Variants in ZBTB20 observed in about 807,000 individuals in gnomAD.
The protein encoded by ZBTB20 is zinc finger and BTB domain containing 20, also known as zinc finger and BTB domain-containing protein 20.
Under a neutral mutation model 56.9 loss-of-function variants are expected in ZBTB20, and 9 were observed. That is an observed-to-expected ratio of 0.16 (90% CI 0.10 to 0.28). ZBTB20 has a LOEUF of 0.28. Ranked by LOEUF, ZBTB20 falls within the 10% of genes least tolerant of loss-of-function variation. ZBTB20 has a pLI of 1.00. For synonymous variants in ZBTB20, 417 were observed against 420.7 expected, an observed-to-expected ratio of 0.99 and a Z score of 0.11; for missense variants, 655 against 1,003.0, an observed-to-expected ratio of 0.65 and a Z score of 4.69.
At chr3:114,560,814 G>C (rs1392465152) in intron 6 of ZBTB20, among the ~76,000 whole-genome samples, 1 of 152,086 alleles carries the variant, frequency 6.6e-6, no homozygotes, top group Non-Finnish European at 1.5e-5. Context: ...AGACAACAAT[G>C]AAGTTTGCCA....
chr3:114,929,994 G>A (rs1440339953), intron 3 of ZBTB20, among the ~76,000 whole-genome samples: 1 of 152,152 alleles, frequency 6.6e-6, no homozygotes, highest in South Asian at 2.1e-4. Flanking sequence ...TTAACAAAAT[G>A]AATAAGAGTA....
intron 6 of ZBTB20, among the ~76,000 whole-genome samples, chr3:114,543,061 C>T (rs184341476): frequency 3.3e-5 from 5 of 152,086 alleles, no homozygotes; most frequent in Admixed American, 3.3e-4. Flanking sequence ...GATTCCAGGA[C>T]CCCACTGCAG....
At chr3:114,789,843 G>A (rs1560253536) in intron 5 of ZBTB20, among the ~76,000 whole-genome samples, 1 of 152,122 alleles carries the variant, frequency 6.6e-6, no homozygotes, top group Non-Finnish European at 1.5e-5. Context: ...TATTTAAGCA[G>A]ATTATAGAGT....
At chr3:114,476,715 T>C (rs2040814719) in intron 7 of ZBTB20, among the ~76,000 whole-genome samples, 1 of 152,206 alleles carries the variant, frequency 6.6e-6, no homozygotes, top group South Asian at 2.1e-4. Context: ...AATCACCTCT[T>C]ATTAGGCCCC....
At chr3:114,982,951 A>G (rs1490591428) in intron 2 of ZBTB20, among the ~76,000 whole-genome samples, 1 of 151,952 alleles carries the variant, frequency 6.6e-6, no homozygotes, top group Non-Finnish European at 1.5e-5. Flanking sequence ...CTTTGCCTCT[A>G]TCTATCTCTA....
intron 1 of ZBTB20, among the ~76,000 whole-genome samples, chr3:115,145,285 C>T (rs1342245221): frequency 6.6e-6 from 1 of 152,120 alleles, no homozygotes; most frequent in Non-Finnish European, 1.5e-5. Flanking sequence ...ACAGATTCTT[C>T]ATTTTAAAGC....
chr3:114,426,371 AT>A (rs150604987), intron 7 of ZBTB20, among the ~76,000 whole-genome samples: 5 of 124,818 alleles, frequency 4.0e-5, no homozygotes, highest in African/African-American at 6.1e-5. Context: ...AAAAAAAAAA[AT>A]TGCCTCCTCA....
intron 1 of ZBTB20, among the ~76,000 whole-genome samples, chr3:115,078,217 C>G (rs1340857590): frequency 6.6e-6 from 1 of 152,130 alleles, no homozygotes; most frequent in Non-Finnish European, 1.5e-5. Flanking sequence ...ATATCTCACA[C>G]TATCTAGAAC....
chr3:114,948,720 A>T (rs1267825991), intron 3 of ZBTB20, among the ~76,000 whole-genome samples: 1 of 146,158 alleles, frequency 6.8e-6, no homozygotes, highest in East Asian at 1.9e-4. Flanking sequence ...AAATGATACC[A>T]ATTACAAGAG....
chr3:114,347,358 A>G (rs2080280996), intron 11 of ZBTB20, among the ~76,000 whole-genome samples: 2 of 152,048 alleles, frequency 1.3e-5, no homozygotes, highest in African/African-American at 4.8e-5. Flanking sequence ...TAACTTTGTC[A>G]AGCTATTCTT....
rs2078868134 is a variant in ZBTB20, at chr3:114,320,821, C to T, written c.*18184G>A. 6.6e-6 allele frequency: 1 copy of T among 151,826 alleles called. No individual in the cohort carries two copies. Among genetic ancestry groups the T allele is most frequent in the African/African-American group, 2.4e-5 (1 of 41,316 alleles). The allele number at this position is 151,826 out of a possible 1,614,324, so 9.4% of individuals were successfully genotyped here. Reference sequence around the variant, plus strand: ...TGGACTCTATTCTTATAAAAATAACCACAAATATAAAGAAATTATAATCAG... The same window carrying T: ...TGGACTCTATTCTTATAAAAATAACTACAAATATAAAGAAATTATAATCAG... On this transcript the variant is annotated 3_prime_UTR_variant, in exon 12 of 12. Transcript: ENST00000675478.
At chr3:114,735,206 T>A (rs1378953092) in intron 5 of ZBTB20, among the ~76,000 whole-genome samples, 1 of 152,138 alleles carries the variant, frequency 6.6e-6, no homozygotes, top group Non-Finnish European at 1.5e-5. Flanking sequence ...TGATAAATAA[T>A]CTGAATTTGA....
chr3:114,944,233 C>T (rs2076814360), intron 3 of ZBTB20, among the ~76,000 whole-genome samples: 1 of 145,462 alleles, frequency 6.9e-6, no homozygotes, highest in African/African-American at 2.8e-5. Flanking sequence ...TGAAAAAATG[C>T]TCAACGTTAC....
intron 7 of ZBTB20, among the ~76,000 whole-genome samples, chr3:114,425,425 A>T (rs915197523): frequency 3.3e-5 from 5 of 152,170 alleles, no homozygotes; most frequent in Non-Finnish European, 2.9e-5. Context: ...CCCAATACAC[A>T]AAATTTGAAT....
At chr3:115,052,772 C>T (rs115950476) in intron 2 of ZBTB20, among the ~76,000 whole-genome samples, 2,325 of 152,070 alleles carry the variant, frequency 0.015, 33 homozygotes, top group South Asian at 0.049. Flanking sequence ...ACTGTAAATG[C>T]TATTATAGGA....
intron 4 of ZBTB20, among the ~76,000 whole-genome samples, chr3:114,861,246 G>A (rs1356602929): frequency 1.3e-5 from 2 of 151,978 alleles, no homozygotes; most frequent in Non-Finnish European, 2.9e-5. Flanking sequence ...ATTTTTCATA[G>A]TATTTATTTT....
At chr3:114,760,297 A>G (rs982108575) in intron 5 of ZBTB20, among the ~76,000 whole-genome samples, 1 of 152,208 alleles carries the variant, frequency 6.6e-6, no homozygotes, top group African/African-American at 2.4e-5. Flanking sequence ...TTATTCAAGA[A>G]GCTCACAATT....
chr3:114,524,456 T>G (rs1434324315), intron 6 of ZBTB20, among the ~76,000 whole-genome samples: 1 of 152,126 alleles, frequency 6.6e-6, no homozygotes, highest in Non-Finnish European at 1.5e-5. Flanking sequence ...GGGGTAGAAA[T>G]GGAAAGAGTG....
Position 114,329,788 on chromosome 3 carries a change from G to A in ZBTB20, c.*9217C>T, listed in dbSNP as rs935551361. Reference sequence around the variant, plus strand: ...ATTGCCAAGCTGCCTCCAGGGAAAGGTTGAAGACTAGTTAAAATAATTCTA... The same window carrying A: ...ATTGCCAAGCTGCCTCCAGGGAAAGATTGAAGACTAGTTAAAATAATTCTA... On this transcript the variant is annotated 3_prime_UTR_variant, in exon 12 of 12. Transcript: ENST00000675478. The A allele has an allele frequency of 2.0e-4, 30 of 148,276 alleles. No individual in the cohort carries two copies. Among genetic ancestry groups the A allele is most frequent in the African/African-American group, 7.2e-4 (29 of 40,114 alleles). The allele number at this position is 148,276 out of a possible 1,614,324, so 9.2% of individuals were successfully genotyped here. A position where few individuals can be genotyped will look rare whatever the true frequency, so the allele number is the denominator to read the frequency against.
Sources: allele counts gnomAD v4.1 joint callset (sites outside exome capture counted in the v4.1 genomes callset), GRCh38; gene constraint gnomAD v4.1.1; transcripts MANE v1.5; gene names NCBI Gene and HGNC (gene_info 2026-07-23, HGNC 2026-07-21).